Variants in NOL4 observed in about 807,000 individuals in gnomAD.
The protein encoded by NOL4 is cancer/testis antigen 125.
In NOL4, 17 loss-of-function variants were observed where a neutral mutation model predicts 75.9. The ratio of observed to expected loss-of-function variants is 0.22; its 90% CI spans 0.15 to 0.34. The LOEUF is 0.34. Among genes scored for constraint, NOL4 ranks in the 10% least tolerant of loss-of-function variants. The pLI is 1.00. For missense variants in NOL4, 614 were observed against 793.5 expected, an observed-to-expected ratio of 0.77 and a Z score of 2.72; for synonymous variants, 292 against 289.9, an observed-to-expected ratio of 1.01 and a Z score of -0.07.
At chr18:33,972,422 CT>C (rs1182976433) in intron 6 of NOL4, among the ~76,000 whole-genome samples, 1 of 152,084 alleles carries the variant, frequency 6.6e-6, no homozygotes, top group Non-Finnish European at 1.5e-5. Flanking sequence ...AAGCTACCAC[CT>C]CTCACCCATT....
chr18:33,982,965 G>T (rs1310925295), intron 6 of NOL4, among the ~76,000 whole-genome samples: 3 of 151,864 alleles, frequency 2.0e-5, no homozygotes, highest in African/African-American at 4.8e-5. Context: ...GGTCAGGTTG[G>T]TCTCGAACTC....
intron 5 of NOL4, among the ~76,000 whole-genome samples, chr18:34,090,655 A>C (rs867220784): frequency 6.6e-6 from 1 of 151,894 alleles, no homozygotes; most frequent in Non-Finnish European, 1.5e-5. Context: ...TGGCACCAGA[A>C]AAAAAAAGGG....
chr18:34,012,152 CATA>C (rs886197662), intron 6 of NOL4, among the ~76,000 whole-genome samples: 1 of 151,844 alleles, frequency 6.6e-6, no homozygotes, highest in African/African-American at 2.4e-5. Flanking sequence ...AACATGGTAG[CATA>C]ATGATTCAAA....
At chr18:34,071,779 T>C (rs1366997463) in intron 5 of NOL4, among the ~76,000 whole-genome samples, 2 of 152,168 alleles carry the variant, frequency 1.3e-5, no homozygotes, top group African/African-American at 4.8e-5. Flanking sequence ...ATTTTTCACT[T>C]ACAATATTTT....
chr18:34,151,968 A>AT, intron 1 of NOL4, among the ~76,000 whole-genome samples: 1 of 152,000 alleles, frequency 6.6e-6, no homozygotes, highest in South Asian at 2.1e-4. Flanking sequence ...AGCTCAAGGA[A>AT]TTTTTTGTAA....
At chr18:33,925,822 GA>G (rs1190932106) in intron 9 of NOL4, among the ~76,000 whole-genome samples, 1 of 152,094 alleles carries the variant, frequency 6.6e-6, no homozygotes, top group Non-Finnish European at 1.5e-5. Flanking sequence ...AACAAGAAAG[GA>G]AGGAAAATCT....
intron 2 of NOL4, among the ~76,000 whole-genome samples, chr18:34,117,046 C>T (rs2079894733): frequency 6.6e-6 from 1 of 152,184 alleles, no homozygotes; most frequent in African/African-American, 2.4e-5. Context: ...ATGACAATTA[C>T]TAGTTTTGGC....
intron 5 of NOL4, among the ~76,000 whole-genome samples, chr18:34,053,709 G>C (rs144988100): frequency 5.9e-5 from 9 of 152,024 alleles, no homozygotes; most frequent in Non-Finnish European, 1.2e-4. Flanking sequence ...TCAGTTCTAT[G>C]CTGATAAATG....
chr18:34,072,136 C>G lies in NOL4; in HGVS notation c.772+21329G>C, dbSNP rs540650767. ...ATCCCAGCTACTCAGGAGGCTAAGG[C>G]AGGAGAATCGCCCGGGAGGCAGAGG... On this transcript the variant is annotated intron_variant, in intron 5 of 10. Coordinates refer to ENST00000261592, the MANE Select transcript of NOL4 (RefSeq NM_003787.5). Among the ~76,000 whole-genome samples the G allele has an allele frequency of 9.5e-4, 145 of 152,052 alleles. 1 individual carries two copies. Among genetic ancestry groups the G allele is most frequent in the African/African-American group, 3.4e-3 (141 of 41,506 alleles).
chr18:34,149,753 G>C (rs2081566086), intron 1 of NOL4, among the ~76,000 whole-genome samples: 1 of 151,430 alleles, frequency 6.6e-6, no homozygotes, highest in Admixed American at 6.6e-5. Flanking sequence ...ATTTTAACTT[G>C]TCTGTTCACT....
chr18:33,952,031 A>G (rs1193155215), intron 8 of NOL4, among the ~76,000 whole-genome samples: 2 of 152,130 alleles, frequency 1.3e-5, no homozygotes, highest in Non-Finnish European at 2.9e-5. Flanking sequence ...ATTTTGGCTA[A>G]GAGTTTCCTA....
rs79941836 is a variant in NOL4, at chr18:34,179,355, A to T, written c.264+43635T>A. On this transcript the variant is annotated intron_variant, in intron 1 of 10. Coordinates refer to ENST00000261592, the MANE Select transcript of NOL4 (RefSeq NM_003787.5). ...AAGCAGAAATAAGGAAATAATAGTG[A>T]TTATAGTAGAAATAAATGAAATAGA... is the stretch of plus-strand genomic sequence containing the variant. Among the ~76,000 whole-genome samples the T allele has an allele frequency of 3.2e-4, 48 of 151,668 alleles. No individual in the cohort carries two copies. In the East Asian group the frequency reaches 7.5e-3, roughly 24 times the overall value.
Position 34,093,351 on chromosome 18 carries a change from A to G in NOL4, c.772+114T>C, listed in dbSNP as rs949881184. On this transcript the variant is annotated intron_variant, in intron 5 of 10. Coordinates refer to ENST00000261592, the MANE Select transcript of NOL4 (RefSeq NM_003787.5). ...TACATAGAGAAAAGTTCCCATAGAA[A>G]TGGGTAGATTTTTAAAAATTGACAC... 13 of 1,062,584 alleles carry G rather than the reference A, an allele frequency of 1.2e-5. No individual in the cohort carries two copies. In the Admixed American group the frequency reaches 1.8e-4, roughly 15 times the overall value. 65.8% of individuals were successfully genotyped at this position (1,062,584 alleles called of 1,614,324 possible). A position where few individuals can be genotyped will look rare whatever the true frequency, so the allele number is the denominator to read the frequency against.
chr18:34,033,279 A>G (rs9945671), intron 5 of NOL4, among the ~76,000 whole-genome samples: 31 of 152,300 alleles, frequency 2.0e-4, no homozygotes, highest in African/African-American at 7.5e-4. Flanking sequence ...GAGTTACAAT[A>G]GAAATCTGAA....
chr18:33,887,946 G>A (rs553613509), intron 9 of NOL4, among the ~76,000 whole-genome samples: 1 of 152,072 alleles, frequency 6.6e-6, no homozygotes, highest in Non-Finnish European at 1.5e-5. Flanking sequence ...GTAATGGGAT[G>A]GCTGGGTCAA....
Position 34,019,615 on chromosome 18 carries a change from A to C in NOL4, c.773-14T>G. 6.2e-7 allele frequency: 1 copy of C among 1,603,660 alleles called. No individual in the cohort carries two copies. Among genetic ancestry groups the C allele is most frequent in the Non-Finnish European group, 8.5e-7 (1 of 1,173,896 alleles). On this transcript the variant is annotated splice_polypyrimidine_tract_variant and intron_variant, in intron 5 of 10. Transcript: ENST00000261592. ...CAGCAGAATCATCTGTTGGAAAGGA[A>C]AAGTTATATTTTGATTTTAATTAAT...
rs1027760597 is a variant in NOL4 at position 33,974,876 on chromosome 18, T to C, written c.1057-16458A>G. Among the ~76,000 whole-genome samples the C allele has an allele frequency of 2.6e-5, 4 of 152,332 alleles. No individual in the cohort carries two copies. The East Asian group carries it at 5.8e-4, about 22-fold the overall frequency. On this transcript the variant is annotated intron_variant, in intron 6 of 10. Coordinates refer to ENST00000261592, the MANE Select transcript of NOL4 (RefSeq NM_003787.5). ...AAAGATATTTGCATACCCATATCCA[T>C]GGCTTTACTGTTCACAGTATCCAAG...
intron 6 of NOL4, among the ~76,000 whole-genome samples, chr18:33,992,488 C>T (rs1025490273): frequency 2.6e-5 from 4 of 151,958 alleles, no homozygotes; most frequent in African/African-American, 9.7e-5. Context: ...GAGGAAACAT[C>T]TATTCAAAAA....
intron 1 of NOL4, among the ~76,000 whole-genome samples, chr18:34,130,493 A>C (rs2080589740): frequency 1.3e-5 from 2 of 152,058 alleles, no homozygotes; most frequent in Admixed American, 1.3e-4. Context: ...CCTAGGAAAG[A>C]AAACACATTT....
Sources: allele counts gnomAD v4.1 joint callset (sites outside exome capture counted in the v4.1 genomes callset), GRCh38; gene constraint gnomAD v4.1.1; transcripts MANE v1.5; gene names NCBI Gene and HGNC (gene_info 2026-07-23, HGNC 2026-07-21).